The following ZDHHC20 variants were observed in gnomAD, a reference collection of about 807,000 sequenced individuals.
ZDHHC20 encodes the protein palmitoyltransferase ZDHHC20.
ZDHHC20 carries 43 observed loss-of-function variants against 57.8 expected under a neutral mutation model. The observed-to-expected ratio is 0.74, with a 90% CI of 0.58 to 0.96. The LOEUF is 0.96. ZDHHC20 is among the 40% of genes least tolerant of loss of function. The pLI is 0.00. For synonymous variants in ZDHHC20, 157 were observed against 153.0 expected, an observed-to-expected ratio of 1.03 and a Z score of -0.19; for missense variants, 391 against 441.1, an observed-to-expected ratio of 0.89 and a Z score of 1.02.
chr13:21,409,827 G>A (rs575654324), intron 4 of ZDHHC20, among the ~76,000 whole-genome samples: 1 of 152,214 alleles, frequency 6.6e-6, no homozygotes, highest in East Asian at 1.9e-4. Context: ...CATTTGGTTA[G>A]AACATGCTCC....
chr13:21,450,840 G>A (rs192789216), intron 1 of ZDHHC20, among the ~76,000 whole-genome samples: 60 of 151,304 alleles, frequency 4.0e-4, no homozygotes, highest in South Asian at 1.3e-3. Context: ...CTGCAGCCTC[G>A]AAATCCTGGG....
chr13:21,402,242 G>T (rs980534942), intron 5 of ZDHHC20, among the ~76,000 whole-genome samples: 4 of 151,978 alleles, frequency 2.6e-5, no homozygotes, highest in African/African-American at 7.2e-5. Flanking sequence ...ACACTGATGG[G>T]CTTGGAGATG....
At chr13:21,386,890 A>G (rs1874620580) in intron 9 of ZDHHC20, among the ~76,000 whole-genome samples, 1 of 152,230 alleles carries the variant, frequency 6.6e-6, no homozygotes, top group Non-Finnish European at 1.5e-5. Flanking sequence ...TCTTTAAAAA[A>G]TGAAAGCAAA....
At chr13:21,401,525 G>T in intron 6 of ZDHHC20, 128 bp downstream of exon 6, 1 of 732,598 alleles carries the variant, frequency 1.4e-6, no homozygotes, top group Non-Finnish European at 2.2e-6. Context: ...ACAAATCTAT[G>T]CATATATGTA....
Position 21,452,364 on chromosome 13 carries a change from G to C in ZDHHC20, c.118+6690C>G, listed in dbSNP as rs561613194. On this transcript the variant is annotated intron_variant, in intron 1 of 12. Transcript: ENST00000400590. ...TTTTATGACATGCAAACTATGTCTC[G>C]ATCAAGTTGTCTTTAAAAACTAAAG... Among the ~76,000 whole-genome samples the C allele has an allele frequency of 2.0e-5, 3 of 152,178 alleles. No individual in the cohort carries two copies. The East Asian group carries it at 5.8e-4, about 29-fold the overall frequency.
intron 5 of ZDHHC20, among the ~76,000 whole-genome samples, chr13:21,402,062 C>T (rs962098899): frequency 1.1e-4 from 17 of 151,926 alleles, no homozygotes; most frequent in African/African-American, 3.9e-4. Context: ...TAGTGAGACC[C>T]TGTCCTGAAA....
Position 21,400,491 on chromosome 13 carries a change from AC to A in ZDHHC20, c.475del (p.Val159Ter). 1 of 1,540,460 alleles carries A rather than the reference AC, an allele frequency of 6.5e-7. No homozygotes were observed. On this transcript the variant is annotated frameshift_variant and splice_region_variant, in exon 7 of 13. Transcript: ENST00000400590. LOFTEE classifies it high-confidence loss of function. ...ATTAGAAAATCCCACACAGTTATTC[AC>A]CCTGGAAAAATAAAGAAAGCCACAT... Reference protein sequence around the residue: ...ILKMDHHCPWVNNCVGFSNYK... With the variant: ...ILKMDHHCPWXNNCVGFSNYK...
chr13:21,381,217 A>C (rs991731754), intron 11 of ZDHHC20, among the ~76,000 whole-genome samples: 3 of 152,138 alleles, frequency 2.0e-5, no homozygotes, highest in Non-Finnish European at 2.9e-5. Context: ...CGTGTTAGCC[A>C]GGATGGTCTC....
chr13:21,374,318 G>C lies in ZDHHC20; in HGVS notation c.*2378C>G, dbSNP rs1209102982. ...CGGCTCACTGCGACCTCCACCTCCTGGGTTCAAGTGATTCTCCTGCCTCCA... is the reference window on the plus strand; with the variant it reads ...CGGCTCACTGCGACCTCCACCTCCTCGGTTCAAGTGATTCTCCTGCCTCCA... On this transcript the variant is annotated 3_prime_UTR_variant, in exon 13 of 13. Coordinates refer to ENST00000400590, the MANE Select transcript of ZDHHC20 (RefSeq NM_001330059.2). 2.3e-6 allele frequency: 1 copy of C among 427,008 alleles called. No homozygotes were observed. The highest frequency in any genetic ancestry group is 4.8e-6 in the Non-Finnish European group (1 of 207,814). 26.5% of individuals were successfully genotyped at this position (427,008 alleles called of 1,614,324 possible).
chr13:21,450,203 A>G (rs897525760), intron 1 of ZDHHC20, among the ~76,000 whole-genome samples: 4 of 152,136 alleles, frequency 2.6e-5, no homozygotes, highest in Non-Finnish European at 1.5e-5. Context: ...TGCCTATTAG[A>G]TCTCCAAGCA....
Position 21,413,723 on chromosome 13 carries a change from T to G in ZDHHC20, c.299A>C (p.Gln100Pro), listed in dbSNP as rs1334425300. Residue 100 changes from glutamine (Q) to proline (P), a missense_variant, in exon 4 of 13, where the codon CAA (glutamine) becomes CCA (proline). By Grantham distance (76) the Gln-to-Pro change is moderately conservative (BLOSUM62 -1). Coordinates refer to ENST00000400590, the MANE Select transcript of ZDHHC20 (RefSeq NM_001330059.2). Reference sequence around the variant, plus strand: ...TCTCAAAATTTCTTGTTGTCTTTCTTGGCTGAATTCTTTTTCATAACGTTC... The same window carrying G: ...TCTCAAAATTTCTTGTTGTCTTTCTGGGCTGAATTCTTTTTCATAACGTTC... ...EKERYEKEFS[Q>P]ERQQEILRRA... The G allele has an allele frequency of 1.3e-5, 21 of 1,611,882 alleles. No homozygotes were observed. The Admixed American group carries it at 3.5e-4, about 27-fold the overall frequency.
chr13:21,420,039 C>T (rs1370677809), intron 3 of ZDHHC20, among the ~76,000 whole-genome samples: 3 of 152,162 alleles, frequency 2.0e-5, no homozygotes, highest in African/African-American at 7.2e-5. Context: ...GTAATCCCAG[C>T]ACTTTGGGAG....
chr13:21,382,910 A>T lies in ZDHHC20; in HGVS notation c.944+10T>A. Reference sequence around the variant, plus strand: ...ATGAATATAGAAAAGCATAAGGACAATAAGCATACCTTCTGGCATACTCAT... The same window carrying T: ...ATGAATATAGAAAAGCATAAGGACATTAAGCATACCTTCTGGCATACTCAT... On this transcript the variant is annotated intron_variant, in intron 10 of 12. Coordinates refer to ENST00000400590, the MANE Select transcript of ZDHHC20 (RefSeq NM_001330059.2). 1 of 1,553,292 alleles carries T rather than the reference A, an allele frequency of 6.4e-7. No individual in the cohort carries two copies. The highest frequency in any genetic ancestry group is 8.7e-7 in the Non-Finnish European group (1 of 1,146,856).
intron 1 of ZDHHC20, among the ~76,000 whole-genome samples, chr13:21,450,270 C>A (rs1016027318): frequency 1.3e-5 from 2 of 151,996 alleles, no homozygotes; most frequent in African/African-American, 4.8e-5. Context: ...ACTTCTCTGC[C>A]GGAAAGGGAG....
In ZDHHC20 at chr13:21,374,443, C is replaced by G. The variant is rs766477790; in HGVS notation, c.*2253G>C. The G allele has an allele frequency of 4.4e-6, 2 of 455,600 alleles. No individual in the cohort carries two copies. Among genetic ancestry groups the G allele is most frequent in the South Asian group, 3.1e-5 (2 of 64,530 alleles). The allele number at this position is 455,600 out of a possible 1,614,324, so 28.2% of individuals were successfully genotyped here. A position where few individuals can be genotyped will look rare whatever the true frequency, so the allele number is the denominator to read the frequency against. Reference sequence around the variant, plus strand: ...GGAGACAGGGTTTTGCCATTTTGACCAGGCTAATCTCGAACCCCTGACCTC... The same window carrying G: ...GGAGACAGGGTTTTGCCATTTTGACGAGGCTAATCTCGAACCCCTGACCTC... On this transcript the variant is annotated 3_prime_UTR_variant, in exon 13 of 13. Transcript: ENST00000400590.
rs1007353406 is a variant in ZDHHC20 at position 21,450,527 on chromosome 13, T to C, written c.118+8527A>G. Among the ~76,000 whole-genome samples, 47 of 152,188 alleles carry C rather than the reference T, an allele frequency of 3.1e-4. 2 individuals are homozygous for C. Among genetic ancestry groups the C allele is most frequent in the Non-Finnish European group, 2.9e-5 (2 of 68,038 alleles). ...AGAGCTCTCTCAGACCAGTATGCTA[T>C]CTGGTAACACAGAAAATAATACCAG... On this transcript the variant is annotated intron_variant, in intron 1 of 12. Coordinates refer to ENST00000400590, the MANE Select transcript of ZDHHC20 (RefSeq NM_001330059.2).
chr13:21,411,224 G>A (rs1474737892), intron 4 of ZDHHC20, among the ~76,000 whole-genome samples: 1 of 152,156 alleles, frequency 6.6e-6, no homozygotes, highest in Non-Finnish European at 1.5e-5. Context: ...AGATGAAGAG[G>A]GTACCTCAGT....
At chr13:21,393,195 T>TTC (rs1876086080) in intron 7 of ZDHHC20, among the ~76,000 whole-genome samples, 1 of 151,800 alleles carries the variant, frequency 6.6e-6, no homozygotes, top group Non-Finnish European at 1.5e-5. Flanking sequence ...TTTTCTTTTT[T>TTC]TTTTTTTTTA....
At chr13:21,414,189 G>A (rs532960067) in intron 3 of ZDHHC20, among the ~76,000 whole-genome samples, 25 of 149,760 alleles carry the variant, frequency 1.7e-4, no homozygotes, top group African/African-American at 5.7e-4. Flanking sequence ...ATGGGGTCCC[G>A]CTAATTTCTA....
Sources: gnomAD v4.1 joint callset for allele counts (sites outside exome capture counted in the v4.1 genomes callset) on GRCh38, gnomAD v4.1.1 for gene constraint, MANE v1.5 for transcripts, NCBI Gene and HGNC (gene_info 2026-07-23, HGNC 2026-07-21) for gene names.